The following CLPB variants were observed in gnomAD, a reference collection of about 807,000 sequenced individuals.
CLPB encodes ClpB family mitochondrial disaggregase.
CLPB carries 40 observed loss-of-function variants against 78.4 expected under a neutral mutation model. That is an observed-to-expected ratio of 0.51 (90% CI 0.40 to 0.66). The LOEUF is 0.66. Ranked by LOEUF, CLPB falls within the 30% of genes least tolerant of loss-of-function variation. The pLI is 0.00. For synonymous variants in CLPB, 333 were observed against 348.0 expected, an observed-to-expected ratio of 0.96 and a Z score of 0.48; for missense variants, 780 against 886.9, an observed-to-expected ratio of 0.88 and a Z score of 1.53.
chr11:72,336,781 C>G (rs1317243257), intron 5 of CLPB: 1 of 282,692 alleles, frequency 3.5e-6, no homozygotes, highest in Non-Finnish European at 6.5e-6. Context: ...CCATTCTTTT[C>G]CGTTATGAGC....
At chr11:72,304,228 A>T (rs907764675) in intron 9 of CLPB, 1 of 152,260 alleles carries the variant, frequency 6.6e-6, no homozygotes, top group African/African-American at 2.4e-5. Context: ...AGTAACATCC[A>T]ACATGTACTG....
intron 4 of CLPB, among the ~76,000 whole-genome samples, chr11:72,371,043 T>A (rs1030740377): frequency 6.6e-6 from 1 of 152,100 alleles, no homozygotes; most frequent in Non-Finnish European, 1.5e-5. Flanking sequence ...GAAACATAAT[T>A]TTTCTGTTTC....
At position 72,332,136 on chromosome 11, in the gene CLPB, AT is replaced by A. The variant is rs756515904; in HGVS notation, c.776-2333del. 1.2e-3 allele frequency among the ~76,000 whole-genome samples: 183 copies of A among 151,580 alleles called. 3 individuals are homozygous for A. In the East Asian group the frequency reaches 0.017, roughly 14 times the overall value. ...TTTAGTGCAGAATATTGATAAATAT[AT>A]TTTTTTTTATTAAGATACAATTCAC... is the stretch of plus-strand genomic sequence containing the variant. On this transcript the variant is annotated intron_variant, in intron 5 of 15. Coordinates refer to ENST00000538039, the MANE Select transcript of CLPB (RefSeq NM_001258392.3).
intron 2 of CLPB, among the ~76,000 whole-genome samples, chr11:72,423,665 T>C (rs1448385300): frequency 6.6e-6 from 1 of 152,254 alleles, no homozygotes; most frequent in Non-Finnish European, 1.5e-5. Flanking sequence ...CATGTCACAA[T>C]GTGTACCTGT....
In CLPB at chr11:72,433,980, C is replaced by A. The variant is rs572496861; in HGVS notation, c.403+92G>T. ...CCTCCAAGACTTAGGCTCTAAGGAT[C>A]TAAACCTATAAGTACCTCCCACCCT... On this transcript the variant is annotated intron_variant, in intron 1 of 15. Transcript: ENST00000538039. 5 of 1,474,856 alleles carry A rather than the reference C, an allele frequency of 3.4e-6. No homozygotes were observed. In the African/African-American group the frequency reaches 6.9e-5, roughly 20 times the overall value. The allele number at this position is 1,474,856 out of a possible 1,614,324, so 91.4% of individuals were successfully genotyped here. A position where few individuals can be genotyped will look rare whatever the true frequency, so the allele number is the denominator to read the frequency against.
At chr11:72,377,921 G>C (rs1854772436) in intron 4 of CLPB, among the ~76,000 whole-genome samples, 1 of 152,226 alleles carries the variant, frequency 6.6e-6, no homozygotes, top group Non-Finnish European at 1.5e-5. Flanking sequence ...GTCGAGGTAA[G>C]TAGTCACAAC....
chr11:72,343,170 G>A (rs1052719772), intron 5 of CLPB, among the ~76,000 whole-genome samples: 1 of 152,178 alleles, frequency 6.6e-6, no homozygotes, highest in African/African-American at 2.4e-5. Context: ...TTAAAGTAGT[G>A]GTTGAGCCAA....
At chr11:72,425,849 T>C (rs1323579434) in intron 2 of CLPB, among the ~76,000 whole-genome samples, 1 of 152,180 alleles carries the variant, frequency 6.6e-6, no homozygotes, top group Non-Finnish European at 1.5e-5. Flanking sequence ...TTTAAGTCTA[T>C]GATCAGGTGC....
At chr11:72,401,399 G>A (rs934074936) in intron 3 of CLPB, among the ~76,000 whole-genome samples, 17 of 151,954 alleles carry the variant, frequency 1.1e-4, no homozygotes, top group Non-Finnish European at 1.6e-4. Context: ...CCAAGATCGC[G>A]CCACTGCACT....
In CLPB at chr11:72,288,219, C is replaced by T. The variant is rs1022711672; in HGVS notation, c.*5148G>A. 5.3e-5 allele frequency: 8 copies of T among 152,096 alleles called. No individual in the cohort carries two copies. The highest frequency in any genetic ancestry group is 1.2e-4 in the Non-Finnish European group (8 of 68,018). 9.4% of individuals were successfully genotyped at this position (152,096 alleles called of 1,614,324 possible). A position where few individuals can be genotyped will look rare whatever the true frequency, so the allele number is the denominator to read the frequency against. On this transcript the variant is annotated 3_prime_UTR_variant, in exon 16 of 16. Transcript: ENST00000538039. ...TAAGGAATTTGGGGCCGGGTACAGT[C>T]GTTGACGCTTGTAATCTCAGCACTC... is the stretch of plus-strand genomic sequence containing the variant.
At chr11:72,412,580 C>T (rs578072269) in intron 2 of CLPB, among the ~76,000 whole-genome samples, 2 of 152,296 alleles carry the variant, frequency 1.3e-5, no homozygotes, top group Admixed American at 1.3e-4. Flanking sequence ...ATATATGAGC[C>T]TGCCTCTGTC....
At chr11:72,329,204 G>T (rs937681524) in intron 6 of CLPB, among the ~76,000 whole-genome samples, 2 of 152,160 alleles carry the variant, frequency 1.3e-5, no homozygotes, top group African/African-American at 4.8e-5. Context: ...AGAATGGAGG[G>T]TTTTTTGGCT....
At chr11:72,399,019 T>A (rs1465073214) in intron 3 of CLPB, among the ~76,000 whole-genome samples, 1 of 151,640 alleles carries the variant, frequency 6.6e-6, no homozygotes, top group Non-Finnish European at 1.5e-5. Flanking sequence ...ACAGAGTTTT[T>A]AAATATGTTT....
At chr11:72,322,314 C>A (rs1950058347) in intron 6 of CLPB, among the ~76,000 whole-genome samples, 1 of 152,002 alleles carries the variant, frequency 6.6e-6, no homozygotes, top group African/African-American at 2.4e-5. Flanking sequence ...CTGCAAATAG[C>A]TAGGTGGATC....
chr11:72,384,578 A>C (rs978549181), intron 3 of CLPB, among the ~76,000 whole-genome samples: 2 of 152,218 alleles, frequency 1.3e-5, no homozygotes, highest in Non-Finnish European at 2.9e-5. Flanking sequence ...GTTAGTCCTC[A>C]CCAATCAATA....
Position 72,308,124 on chromosome 11 carries a change from G to A in CLPB, c.1066+403C>T, listed in dbSNP as rs377243241. Among the ~76,000 whole-genome samples, 8 of 152,330 alleles carry A rather than the reference G, an allele frequency of 5.3e-5. No individual in the cohort carries two copies. In the East Asian group the frequency reaches 9.6e-4, roughly 18 times the overall value. On this transcript the variant is annotated intron_variant, in intron 8 of 15. Coordinates refer to ENST00000538039, the MANE Select transcript of CLPB (RefSeq NM_001258392.3). ...TTGCTATCCACCTGGCACCATGGTG[G>A]TCATTAGGGGCCTTCTTTAGCATTT...
chr11:72,294,587 C>T, intron 13 of CLPB, 33 bp downstream of exon 13: 1 of 1,610,980 alleles, frequency 6.2e-7, no homozygotes, highest in Non-Finnish European at 8.5e-7. Flanking sequence ...CAACCTTAGG[C>T]TCCAGCAGGA....
chr11:72,402,458 T>C (rs1363095493), intron 3 of CLPB, among the ~76,000 whole-genome samples: 1 of 152,188 alleles, frequency 6.6e-6, no homozygotes, highest in African/African-American at 2.4e-5. Context: ...TATTTCAATC[T>C]TTATACAATA....
At position 72,293,318 on chromosome 11, in the gene CLPB, AG is replaced by A; in HGVS notation, c.*48del. ...TAAGTCAGTTGCCATGCCACAGCCA[AG>A]GGGCCTTTATTGGATGGTGAGGGCA... On this transcript the variant is annotated 3_prime_UTR_variant, in exon 16 of 16. Transcript: ENST00000538039. 2 of 1,592,576 alleles carry A rather than the reference AG, an allele frequency of 1.3e-6. No individual in the cohort carries two copies. Among genetic ancestry groups the A allele is most frequent in the Non-Finnish European group, 1.7e-6 (2 of 1,166,266 alleles).
Sources: gnomAD v4.1 joint callset for allele counts (sites outside exome capture counted in the v4.1 genomes callset) on GRCh38, gnomAD v4.1.1 for gene constraint, MANE v1.5 for transcripts, NCBI Gene and HGNC (gene_info 2026-07-23, HGNC 2026-07-21) for gene names.